SLC1A2: variants seen among roughly 807,000 people sequenced by gnomAD.
The protein encoded by SLC1A2 is excitatory amino acid transporter 2.
A neutral mutation model predicts 48.8 loss-of-function variants in SLC1A2; 15 were observed. The observed-to-expected ratio is 0.31, with a 90% CI of 0.21 to 0.47. The LOEUF (loss-of-function observed/expected upper bound fraction) is 0.47. SLC1A2 is among the 20% of genes least tolerant of loss of function. The pLI is 0.99. For missense variants in SLC1A2, 502 were observed against 730.5 expected (o/e 0.69, Z 3.61); for synonymous variants, 279 against 272.6 (o/e 1.02, Z -0.23).
intron 9 of SLC1A2, among the ~76,000 whole-genome samples, chr11:35,274,752 A>G (rs1850386210): frequency 6.6e-6 from 1 of 152,252 alleles, no homozygotes; most frequent in African/African-American, 2.4e-5. Flanking sequence ...CTGTAAAACA[A>G]TGATAATACT....
chr11:35,260,795 T>C lies in SLC1A2; in HGVS notation c.*99A>G, dbSNP rs1206363994. ...AACAGATTAAGTAAACATAGAAATA[T>C]ACGCATTTTTTTCCTTTTTAAAGAA... is the stretch of plus-strand genomic sequence containing the variant. On this transcript the variant is annotated 3_prime_UTR_variant, in exon 11 of 11. Transcript: ENST00000278379. 4.6e-6 allele frequency: 4 copies of C among 863,304 alleles called. No homozygotes were observed. The Admixed American group carries it at 5.6e-5, about 12-fold the overall frequency. The allele number at this position is 863,304 out of a possible 1,614,324, so 53.5% of individuals were successfully genotyped here. A position where few individuals can be genotyped will look rare whatever the true frequency, so the allele number is the denominator to read the frequency against.
intron 1 of SLC1A2, among the ~76,000 whole-genome samples, chr11:35,355,485 T>G (rs1169028368): frequency 6.6e-6 from 1 of 152,220 alleles, no homozygotes; most frequent in Non-Finnish European, 1.5e-5. Context: ...CATCCATGGG[T>G]TGTGCCTGCT....
At chr11:35,390,604 A>G (rs1854734740) in intron 1 of SLC1A2, 1 of 152,000 alleles carries the variant, frequency 6.6e-6, no homozygotes, top group Admixed American at 6.6e-5. Context: ...AATTTTTCAT[A>G]TTAGTTACAT....
intron 8 of SLC1A2, 78 bp from the exon 9 acceptor site, chr11:35,281,079 A>T: frequency 7.0e-7 from 1 of 1,438,330 alleles, no homozygotes; most frequent in Non-Finnish European, 9.2e-7. Context: ...TTAAGCTCTA[A>T]TTTTCCTGCA....
At chr11:35,340,686 T>A (rs778985738) in intron 1 of SLC1A2, among the ~76,000 whole-genome samples, 74 of 152,210 alleles carry the variant, frequency 4.9e-4, no homozygotes, top group Non-Finnish European at 9.1e-4. Flanking sequence ...GCAATCAGTA[T>A]TGGCCTGGTT....
intron 1 of SLC1A2, among the ~76,000 whole-genome samples, chr11:35,334,447 G>A (rs1205261926): frequency 2.0e-5 from 3 of 152,296 alleles, no homozygotes; most frequent in Admixed American, 1.3e-4. Flanking sequence ...AGCGAATCAC[G>A]TTGTTGTTAC....
chr11:35,260,962 T>C lies in SLC1A2; in HGVS notation c.1657A>G (p.Thr553Ala). ...GCTGACTTTCCATTGGCTGCCAGAG[T>C]TACCTGAAAATAATTATCATCAACA... ...NSVIVDECKVTLAANGKSADC... is the reference protein window; with the variant it reads ...NSVIVDECKVALAANGKSADC... Residue 553 changes from threonine (T) to alanine (A), a missense_variant, in exon 11 of 11, where the codon ACT becomes GCT. This residue lies in a region of SLC1A2 where 102 missense variants were observed against 107.2 expected (regional missense o/e 0.95). Coordinates refer to ENST00000278379, the MANE Select transcript of SLC1A2 (RefSeq NM_004171.4). 1 of 1,612,766 alleles carries C rather than the reference T, an allele frequency of 6.2e-7. No homozygotes were observed. Among genetic ancestry groups the C allele is most frequent in the Non-Finnish European group, 8.5e-7 (1 of 1,178,840 alleles).
chr11:35,400,533 C>T (rs1437479053), intron 1 of SLC1A2, among the ~76,000 whole-genome samples: 2 of 152,156 alleles, frequency 1.3e-5, no homozygotes, highest in Non-Finnish European at 2.9e-5. Flanking sequence ...GAAGATCATG[C>T]TTGTGTCTAA....
At chr11:35,290,257 G>C (rs751798021) in intron 7 of SLC1A2, among the ~76,000 whole-genome samples, 1 of 152,276 alleles carries the variant, frequency 6.6e-6, no homozygotes, top group Non-Finnish European at 1.5e-5. Flanking sequence ...AGATGTATTT[G>C]TAAGGATGTT....
intron 1 of SLC1A2, among the ~76,000 whole-genome samples, chr11:35,339,486 G>A (rs901456646): frequency 6.6e-6 from 1 of 152,200 alleles, no homozygotes; most frequent in Non-Finnish European, 1.5e-5. Flanking sequence ...TTAGTGTGTG[G>A]CTCAATGTTA....
chr11:35,367,266 T>C (rs1853882392), intron 1 of SLC1A2, among the ~76,000 whole-genome samples: 2 of 152,230 alleles, frequency 1.3e-5, no homozygotes, highest in East Asian at 3.9e-4. Context: ...GGCCAGTTCA[T>C]GCCTGGTGGC....
At position 35,280,924 on chromosome 11, in the gene SLC1A2, G is replaced by C. The variant is rs748775177; in HGVS notation, c.1364C>G (p.Thr455Arg). Residue 455 changes from threonine (T) to arginine (R), a missense_variant, in exon 9 of 11, where the codon ACA becomes AGA. By Grantham distance (71) the Thr-to-Arg change is moderately conservative. This residue lies in a region of SLC1A2 where 309 missense variants were observed against 480.3 expected (regional missense o/e 0.64). Coordinates refer to ENST00000278379, the MANE Select transcript of SLC1A2 (RefSeq NM_004171.4). ...GTCCTCTGTTGGCAGGCCCACGGCT[G>C]TCAGAATGAGGAGCATGGTGACCAG... ...AGLVTMLLIL[T>R]AVGLPTEDIS... 6.2e-7 allele frequency: 1 copy of C among 1,613,404 alleles called. No individual in the cohort carries two copies. The highest frequency in any genetic ancestry group is 8.5e-7 in the Non-Finnish European group (1 of 1,179,812).
chr11:35,349,077 G>A (rs4755396), intron 1 of SLC1A2, among the ~76,000 whole-genome samples: 89,417 of 151,782 alleles, frequency 0.59, 26,737 homozygotes, highest in East Asian at 0.7. Context: ...CAGGATGGGA[G>A]TGGCAAGGTT....
chr11:35,349,906 A>G (rs1172702597), intron 1 of SLC1A2, among the ~76,000 whole-genome samples: 1 of 152,186 alleles, frequency 6.6e-6, no homozygotes, highest in Admixed American at 6.5e-5. Context: ...CTATATGGTT[A>G]GAGACCTATG....
At position 35,271,026 on chromosome 11, in the gene SLC1A2, T is replaced by G. The variant is rs143776765; in HGVS notation, c.1422-5268A>C. Among the ~76,000 whole-genome samples, 292 of 152,236 alleles carry G rather than the reference T, an allele frequency of 1.9e-3. 1 individual carries two copies. The highest frequency in any genetic ancestry group is 6.7e-3 in the African/African-American group (280 of 41,540). ...TGAAATCCAGTTAGTGAGGATATGATGGGTTTGGAGAAAGATGGATTTGAG... is the reference window on the plus strand; with the variant it reads ...TGAAATCCAGTTAGTGAGGATATGAGGGGTTTGGAGAAAGATGGATTTGAG... On this transcript the variant is annotated intron_variant, in intron 9 of 10. Coordinates refer to ENST00000278379, the MANE Select transcript of SLC1A2 (RefSeq NM_004171.4).
At chr11:35,365,488 C>T (rs187277748) in intron 1 of SLC1A2, among the ~76,000 whole-genome samples, 3 of 152,220 alleles carry the variant, frequency 2.0e-5, no homozygotes, top group African/African-American at 4.8e-5. Context: ...GAACCCAAAC[C>T]AACACAGAAC....
chr11:35,372,743 C>T (rs918684102), intron 1 of SLC1A2, among the ~76,000 whole-genome samples: 2 of 152,176 alleles, frequency 1.3e-5, no homozygotes, highest in African/African-American at 2.4e-5. Context: ...AAGTAAGAAT[C>T]TACAACCAAT....
At chr11:35,314,572 G>C (rs1293180493) in intron 3 of SLC1A2, among the ~76,000 whole-genome samples, 3 of 151,952 alleles carry the variant, frequency 2.0e-5, no homozygotes, top group Non-Finnish European at 4.4e-5. Context: ...AATTAGCCAG[G>C]CATGATGGCA....
In SLC1A2 at chr11:35,261,721, T is replaced by C. The variant is rs2134591372; in HGVS notation, c.1654-756A>G. ...TGTGCAAACTTAAACCCACGACTGATATTCCACATAATGGAGAGACTGGAT... is the reference window on the plus strand; with the variant it reads ...TGTGCAAACTTAAACCCACGACTGACATTCCACATAATGGAGAGACTGGAT... On this transcript the variant is annotated intron_variant, in intron 10 of 10. Coordinates refer to ENST00000278379, the MANE Select transcript of SLC1A2 (RefSeq NM_004171.4). The C allele has an allele frequency of 7.5e-6, 3 of 398,564 alleles. No individual in the cohort carries two copies. The Admixed American group carries it at 1.3e-4, about 18-fold the overall frequency. 24.7% of individuals were successfully genotyped at this position (398,564 alleles called of 1,614,324 possible). A position where few individuals can be genotyped will look rare whatever the true frequency, so the allele number is the denominator to read the frequency against.
Sources: gnomAD v4.1 joint callset for allele counts (sites outside exome capture counted in the v4.1 genomes callset) on GRCh38, gnomAD v4.1.1 for gene constraint, gnomAD v4.1.1 regional missense constraint, MANE v1.5 for transcripts, NCBI Gene and HGNC (gene_info 2026-07-23, HGNC 2026-07-21) for gene names.